Variants in IDH3G observed in about 807,000 individuals in gnomAD.
The protein encoded by IDH3G is isocitrate dehydrogenase [NAD] subunit gamma, mitochondrial.
In IDH3G, 9 loss-of-function variants were observed where a neutral mutation model predicts 26.9. The observed-to-expected ratio is 0.34, with a 90% CI of 0.20 to 0.58. IDH3G has a LOEUF of 0.58. IDH3G is among the 20% of genes least tolerant of loss of function. The pLI, the probability that IDH3G is intolerant of heterozygous loss-of-function variation, is 0.85. For missense variants in IDH3G, 250 were observed against 372.8 expected (o/e 0.67, Z 2.71); for synonymous variants, 181 against 160.0 (o/e 1.13, Z -0.99).
At chrX:153,787,407 C>A (rs782666390) in intron 8 of IDH3G, 57 bp downstream of exon 8, 5 of 1,168,132 alleles carry the variant, frequency 4.3e-6, no homozygotes, top group Admixed American at 2.2e-5. Flanking sequence ...CAGAGCAGGC[C>A]CAAGCAGGCC....
At chrX:153,786,753 G>C (rs1435275041) in intron 10 of IDH3G, 48 bp downstream of exon 10, 6 of 1,174,462 alleles carry the variant, frequency 5.1e-6, no homozygotes, top group Non-Finnish European at 6.9e-6. Context: ...CACTAAGTCT[G>C]TGAACAGGAG....
In IDH3G at chrX:153,785,937, A is replaced by G; in HGVS notation, c.1117T>C (p.Ser373Pro). 5 of 1,210,794 alleles carry G rather than the reference A, an allele frequency of 4.1e-6. No individual in the cohort carries two copies. Among genetic ancestry groups the G allele is most frequent in the Non-Finnish European group, 5.6e-6 (5 of 895,350 alleles). ...CGGATGACGTCCTGGATGGCTTCAGATGTTGTGCCCTGGCCCCCGATGTCC... is the reference window on the plus strand; with the variant it reads ...CGGATGACGTCCTGGATGGCTTCAGGTGTTGTGCCCTGGCCCCCGATGTCC... ...TPDIGGQGTT[S>P]EAIQDVIRHI... The change falls in exon 13 of 13, where the codon TCT becomes CCT. Residue 373 changes from serine (S) to proline (P), a missense_variant. By Grantham distance (74) the Ser-to-Pro change is moderately conservative. Coordinates refer to ENST00000217901, the MANE Select transcript of IDH3G (RefSeq NM_004135.4).
chrX:153,790,578 A>G lies in IDH3G; in HGVS notation c.124-3T>C. On this transcript the variant is annotated splice_region_variant and splice_polypyrimidine_tract_variant and intron_variant, in intron 2 of 12. Transcript: ENST00000217901. Reference sequence around the variant, plus strand: ...AGAATACTCACAATTGTTTGTTCCTAGAAAGGATGAGAAAGGAAGAAGACA... The same window carrying G: ...AGAATACTCACAATTGTTTGTTCCTGGAAAGGATGAGAAAGGAAGAAGACA... 1 of 1,205,286 alleles carries G rather than the reference A, an allele frequency of 8.3e-7. No homozygotes were observed. The highest frequency in any genetic ancestry group is 1.1e-6 in the Non-Finnish European group (1 of 890,223).
In IDH3G at chrX:153,786,447, A is replaced by G; in HGVS notation, c.927T>C (p.Ala309=). Reference sequence around the variant, plus strand: ...CGATACTCTTGCCGGTGTTCCTCGTAGCCTGGGGAGGCAAGACGAAGGAGA... The same window carrying G: ...CGATACTCTTGCCGGTGTTCCTCGTGGCCTGGGGAGGCAAGACGAAGGAGA... ...YGHVYAVFET[A]TRNTGKSIAN... is the part of the protein sequence containing the mutation. Residue 309 remains alanine (A), a splice_region_variant and synonymous_variant, in exon 11 of 13, where the codon GCT becomes GCC. Transcript: ENST00000217901. 8.5e-7 allele frequency: 1 copy of G among 1,175,754 alleles called. No homozygotes were observed. The highest frequency in any genetic ancestry group is 2.3e-4 in the Middle Eastern group (1 of 4,281).
Position 153,790,275 on chromosome X carries a change from A to G in IDH3G, c.153T>C (p.Tyr51=), listed in dbSNP as rs2092104503. Residue 51 remains tyrosine (Y), a synonymous_variant, in exon 4 of 13, where the codon TAT becomes TAC. Coordinates refer to ENST00000217901, the MANE Select transcript of IDH3G (RefSeq NM_004135.4). ...SEQTIPPSAK[Y]GGRHTVTMIP... ...TCATGGTCACCGTGTGCCGCCCGCC[A>G]TACTTAGCGGACGGAGGCTGTGGGA... is the stretch of plus-strand genomic sequence containing the variant. 8.3e-7 allele frequency: 1 copy of G among 1,210,793 alleles called. No individual in the cohort carries two copies.
intron 1 of IDH3G, among the ~76,000 whole-genome samples, chrX:153,792,957 T>C (rs901122475): frequency 3.0e-4 from 34 of 112,738 alleles, no homozygotes; most frequent in Non-Finnish European, 9.4e-5. Context: ...TTATGCCTGC[T>C]GAGGCTTCTG....
Position 153,790,857 on chromosome X carries a change from A to G in IDH3G, c.82-6T>C, listed in dbSNP as rs1557070358. On this transcript the variant is annotated splice_polypyrimidine_tract_variant and splice_region_variant and intron_variant, in intron 1 of 12. Transcript: ENST00000217901. The stretch of plus-strand genomic sequence containing the variant: ...ACCTCGTGGGCGCCTAGAACCTGGC[A>G]GAGACCAAATGCCAGCGGTTGGTTT... 1 of 1,191,497 alleles carries G rather than the reference A, an allele frequency of 8.4e-7. No individual in the cohort carries two copies. The highest frequency in any genetic ancestry group is 1.1e-6 in the Non-Finnish European group (1 of 888,240).
Position 153,787,127 on chromosome X carries a change from TGGAG to T in IDH3G, c.697_700del (p.Leu233SerfsTer18), listed in dbSNP as rs782535554. The T allele has an allele frequency of 8.3e-7, 1 of 1,209,316 alleles. No individual in the cohort carries two copies. ...GCGGGCTGCCACCTCCCTGCAGCAC[TGGAG>T]GAAAAGCCCATCGCCCAGTTTCCTG... On this transcript the variant is annotated frameshift_variant, in exon 9 of 13. Coordinates refer to ENST00000217901, the MANE Select transcript of IDH3G (RefSeq NM_004135.4). LOFTEE classifies it high-confidence loss of function.
rs782184817 is a variant in IDH3G, at chrX:153,789,702, T to C, written c.346+10A>G. ...AGGGCCCCATCCTGGCCCCTGGCCC[T>C]GGAGCTCACCCTTCAGGGCCACGCG... On this transcript the variant is annotated intron_variant, in intron 5 of 12. Coordinates refer to ENST00000217901, the MANE Select transcript of IDH3G (RefSeq NM_004135.4). The C allele has an allele frequency of 2.4e-5, 27 of 1,112,990 alleles. No individual in the cohort carries two copies. Among genetic ancestry groups the C allele is most frequent in the Admixed American group, 4.7e-5 (2 of 42,493 alleles). 91.7% of individuals were successfully genotyped at this position (1,112,990 alleles called of 1,213,427 possible). A position where few individuals can be genotyped will look rare whatever the true frequency, so the allele number is the denominator to read the frequency against.
chrX:153,785,884 G>C lies in IDH3G; in HGVS notation c.1170C>G (p.Ala390=), dbSNP rs369724451. 2 of 1,211,254 alleles carry C rather than the reference G, an allele frequency of 1.7e-6. No homozygotes were observed. The highest frequency in any genetic ancestry group is 3.5e-5 in the African/African-American group (2 of 57,913). ...TCCTAGGGCCAGCCTAGGCCTCCAC[G>C]GCCCGGCCGTTGATGACGCGGATGT... is the stretch of plus-strand genomic sequence containing the variant. ...IRHIRVINGR[A]VEA Residue 390 remains alanine (A), a synonymous_variant, in exon 13 of 13, where the codon GCC becomes GCG. Transcript: ENST00000217901.
At chrX:153,790,735 A>C in intron 2 of IDH3G, 75 bp downstream of exon 2, 1 of 1,116,692 alleles carries the variant, frequency 9.0e-7, no homozygotes, top group Non-Finnish European at 1.2e-6. Context: ...AGGACAGGAC[A>C]CAGGCCGTGC....
chrX:153,788,245 A>G lies in IDH3G; in HGVS notation c.347-110T>C, dbSNP rs782018031. 1.6e-3 allele frequency: 1,107 copies of G among 694,482 alleles called. 5 individuals are homozygous for G. The South Asian group carries it at 0.025, about 16-fold the overall frequency. The allele number at this position is 694,482 out of a possible 1,213,427, so 57.2% of individuals were successfully genotyped here. A position where few individuals can be genotyped will look rare whatever the true frequency, so the allele number is the denominator to read the frequency against. The stretch of plus-strand genomic sequence containing the variant: ...ACTTGGGGAGCAAAAATGTTTCCTG[A>G]ACACTAGAATGCTAGAATGCAACTT... On this transcript the variant is annotated intron_variant, in intron 5 of 12. Coordinates refer to ENST00000217901, the MANE Select transcript of IDH3G (RefSeq NM_004135.4).
intron 8 of IDH3G, 43 bp from the exon 9 acceptor site, chrX:153,787,196 ACAGT>A (rs782696572): frequency 1.9e-5 from 20 of 1,054,048 alleles, no homozygotes; most frequent in South Asian, 3.9e-5. Flanking sequence ...GGCCATCGCA[ACAGT>A]CAGCCAGAGG....
intron 5 of IDH3G, chrX:153,789,244 G>A: frequency 2.9e-6 from 1 of 339,324 alleles, no homozygotes; most frequent in South Asian, 2.6e-5. Context: ...AGCTCAGAGG[G>A]AGGTAAAAGA....
chrX:153,791,444 C>A (rs1235695828), intron 1 of IDH3G: 1 of 112,875 alleles, frequency 8.9e-6, no homozygotes, highest in East Asian at 2.8e-4. Context: ...GACATCCAGC[C>A]ATTTCTGGAA....
At chrX:153,790,502 T>C in intron 3 of IDH3G, 62 bp downstream of exon 3, 1 of 1,027,642 alleles carries the variant, frequency 9.7e-7, no homozygotes, top group South Asian at 1.9e-5. Flanking sequence ...CCACCTGGAA[T>C]TTAGTTAACC....
At chrX:153,788,357 C>T (rs1452055298) in intron 5 of IDH3G, among the ~76,000 whole-genome samples, 4 of 112,823 alleles carry the variant, frequency 3.5e-5, no homozygotes, top group South Asian at 3.6e-4. Context: ...CCCTGAACGA[C>T]GGAATGAACA....
chrX:153,787,450 G>C lies in IDH3G; in HGVS notation c.674+14C>G. The C allele has an allele frequency of 8.3e-7, 1 of 1,209,520 alleles. No individual in the cohort carries two copies. The highest frequency in any genetic ancestry group is 1.1e-6 in the Non-Finnish European group (1 of 894,387). ...CTGCTTCTGGACTGCTCGCAGAGAG[G>C]TCAGGGGACATACATGATGTTGGCC... On this transcript the variant is annotated intron_variant, in intron 8 of 12. Coordinates refer to ENST00000217901, the MANE Select transcript of IDH3G (RefSeq NM_004135.4).
rs782068621 is a variant in IDH3G, at chrX:153,790,567, T to G, written c.132A>C (p.Thr44=). 18 of 1,206,962 alleles carry G rather than the reference T, an allele frequency of 1.5e-5. No homozygotes were observed. Among genetic ancestry groups the G allele is most frequent in the Non-Finnish European group, 2.0e-5 (18 of 892,560 alleles). ...VPSRNIFSEQ[T]IPPSAKYGGR... Reference sequence around the variant, plus strand: ...ACAGGCAGAGAAGAATACTCACAATTGTTTGTTCCTAGAAAGGATGAGAAA... The same window carrying G: ...ACAGGCAGAGAAGAATACTCACAATGGTTTGTTCCTAGAAAGGATGAGAAA... Residue 44 remains threonine (T), a synonymous_variant, in exon 3 of 13, where the codon ACA becomes ACC. Transcript: ENST00000217901.
Sources: gnomAD v4.1 joint callset for allele counts (sites outside exome capture counted in the v4.1 genomes callset) on GRCh38, gnomAD v4.1.1 for gene constraint, MANE v1.5 for transcripts, NCBI Gene and HGNC (gene_info 2026-07-23, HGNC 2026-07-21) for gene names.